Variants in TRHDE observed in about 807,000 individuals in gnomAD.
TRHDE encodes the protein thyrotropin releasing hormone degrading enzyme.
Under a neutral mutation model 125.7 loss-of-function variants are expected in TRHDE, and 72 were observed. That is an observed-to-expected ratio of 0.57 (90% CI 0.47 to 0.70). TRHDE has a LOEUF of 0.70. Among genes scored for constraint, TRHDE ranks in the 30% least tolerant of loss-of-function variants. The pLI, the probability that TRHDE is intolerant of heterozygous loss-of-function variation, is 0.00. For synonymous variants in TRHDE, 509 were observed against 509.1 expected, an observed-to-expected ratio of 1.00 and a Z score of 0.00; for missense variants, 1,110 against 1,327.1, an observed-to-expected ratio of 0.84 and a Z score of 2.54.
chr12:72,614,908 T>G (rs921591825), intron 12 of TRHDE, among the ~76,000 whole-genome samples: 1 of 152,120 alleles, frequency 6.6e-6, no homozygotes, highest in African/African-American at 2.4e-5. Flanking sequence ...TCAGCTAACA[T>G]AGTCTGGTTT....
chr12:72,105,382 AG>A (rs2139291710), intron 1 of TRHDE, among the ~76,000 whole-genome samples: 1 of 152,268 alleles, frequency 6.6e-6, no homozygotes, highest in African/African-American at 2.4e-5. Context: ...GATTAAATGC[AG>A]GGCAATGGGA....
chr12:72,121,394 C>T (rs1346960588), intron 2 of TRHDE, among the ~76,000 whole-genome samples: 1 of 152,216 alleles, frequency 6.6e-6, no homozygotes, highest in Non-Finnish European at 1.5e-5. Context: ...CAGGTTCCAA[C>T]TACTGTGATG....
chr12:72,297,535 G>T (rs1880347629), intron 2 of TRHDE, among the ~76,000 whole-genome samples: 1 of 152,196 alleles, frequency 6.6e-6, no homozygotes, highest in Non-Finnish European at 1.5e-5. Context: ...TGAACAGGTT[G>T]GGAGAATCTC....
At chr12:72,367,990 T>G (rs1260002047) in intron 2 of TRHDE, among the ~76,000 whole-genome samples, 1 of 152,194 alleles carries the variant, frequency 6.6e-6, no homozygotes, top group African/African-American at 2.4e-5. Flanking sequence ...ATTTAAGTCT[T>G]TAACAGGTGC....
At chr12:72,394,243 C>T (rs1486375843) in intron 3 of TRHDE, among the ~76,000 whole-genome samples, 1 of 152,070 alleles carries the variant, frequency 6.6e-6, no homozygotes, top group Non-Finnish European at 1.5e-5. Flanking sequence ...GATTAATAGT[C>T]CAATTAACAG....
At chr12:72,175,971 A>G (rs1876979828) in intron 2 of TRHDE, among the ~76,000 whole-genome samples, 1 of 152,192 alleles carries the variant, frequency 6.6e-6, no homozygotes, top group South Asian at 2.1e-4. Flanking sequence ...GAAAGGAAAG[A>G]AGAGGCAGAA....
intron 2 of TRHDE, among the ~76,000 whole-genome samples, chr12:72,130,014 G>A (rs866957668): frequency 1.3e-5 from 2 of 152,090 alleles, no homozygotes; most frequent in African/African-American, 4.8e-5. Context: ...TAAAGATTAC[G>A]TTTTAGACTG....
At chr12:72,163,937 C>T (rs1876689410) in intron 2 of TRHDE, among the ~76,000 whole-genome samples, 1 of 152,058 alleles carries the variant, frequency 6.6e-6, no homozygotes, top group South Asian at 2.1e-4. Flanking sequence ...CATGGTGAAA[C>T]CCTGTCTCTG....
intron 2 of TRHDE, among the ~76,000 whole-genome samples, chr12:72,339,064 G>T (rs118177820): frequency 0.013 from 1,916 of 152,184 alleles, 21 homozygotes; most frequent in Non-Finnish European, 0.017. Context: ...GTGATTTGTT[G>T]TATGACAGAT....
At chr12:72,488,702 A>T (rs1490720967) in intron 5 of TRHDE, among the ~76,000 whole-genome samples, 1 of 152,000 alleles carries the variant, frequency 6.6e-6, no homozygotes, top group Non-Finnish European at 1.5e-5. Flanking sequence ...CTGAATATAC[A>T]TTCTTCTCTA....
intron 2 of TRHDE, among the ~76,000 whole-genome samples, chr12:72,321,116 CA>C (rs1339699408): frequency 2.0e-5 from 3 of 152,072 alleles, no homozygotes; most frequent in Non-Finnish European, 2.9e-5. Flanking sequence ...TGATTCTCAG[CA>C]ATTTTATGTC....
chr12:72,284,137 G>C (rs1163791429), intron 1 of TRHDE, among the ~76,000 whole-genome samples: 2 of 152,004 alleles, frequency 1.3e-5, no homozygotes, highest in African/African-American at 4.8e-5. Flanking sequence ...TTTTGGGTTA[G>C]GGATGCTCAG....
chr12:72,541,608 T>G (rs938841258), intron 6 of TRHDE, among the ~76,000 whole-genome samples: 6 of 151,526 alleles, frequency 4.0e-5, no homozygotes, highest in Non-Finnish European at 8.9e-5. Flanking sequence ...CTAACACTCC[T>G]ATATGGCTTA....
At chr12:72,661,019 G>A (rs1395283192) in intron 18 of TRHDE, among the ~76,000 whole-genome samples, 1 of 152,140 alleles carries the variant, frequency 6.6e-6, no homozygotes. Context: ...GGCAACTGTA[G>A]AAAGTAGGCC....
At position 72,150,071 on chromosome 12, in the gene TRHDE, G is replaced by A. The variant is rs137961584; in HGVS notation, n.279+44319G>A. On this transcript the variant is annotated intron_variant and non_coding_transcript_variant, in intron 2 of 4. Transcript: ENST00000548156. ...GCCAGACATTATTCTAGGTGCTGGT[G>A]AGGTAGTAGTGAATAAGACATTGAA... Among the ~76,000 whole-genome samples, 142 of 152,308 alleles carry A rather than the reference G, an allele frequency of 9.3e-4. 2 individuals carry two copies. In the East Asian group the frequency reaches 0.026, roughly 28 times the overall value.
chr12:72,443,754 G>A (rs1875137387), intron 3 of TRHDE, among the ~76,000 whole-genome samples: 1 of 151,774 alleles, frequency 6.6e-6, no homozygotes, highest in Admixed American at 6.6e-5. Flanking sequence ...ATACTAACAA[G>A]TAGGTAAAGG....
intron 12 of TRHDE, among the ~76,000 whole-genome samples, chr12:72,613,061 G>A (rs1056355409): frequency 2.0e-5 from 3 of 152,058 alleles, no homozygotes; most frequent in South Asian, 4.1e-4. Context: ...TACTGAAGAA[G>A]GAACTCTAGA....
chr12:72,360,780 C>T (rs138080405), intron 2 of TRHDE, among the ~76,000 whole-genome samples: 2 of 151,610 alleles, frequency 1.3e-5, no homozygotes, highest in Non-Finnish European at 3.0e-5. Context: ...GGATGGGAAT[C>T]GGATGAAGGG....
At chr12:72,512,680 A>T (rs997367242) in intron 6 of TRHDE, among the ~76,000 whole-genome samples, 9 of 145,794 alleles carry the variant, frequency 6.2e-5, no homozygotes, top group Non-Finnish European at 1.3e-4. Flanking sequence ...GGTAATATAG[A>T]TTTTTTATAG....
Sources: allele counts gnomAD v4.1 joint callset (sites outside exome capture counted in the v4.1 genomes callset), GRCh38; gene constraint gnomAD v4.1.1; transcripts MANE v1.5; gene names NCBI Gene and HGNC (gene_info 2026-07-23, HGNC 2026-07-21).